FRAS1: variants seen among roughly 807,000 people sequenced by gnomAD.
FRAS1 encodes the protein Fraser extracellular matrix complex subunit 1.
In FRAS1, 290 loss-of-function variants were observed where a neutral mutation model predicts 435.2. That is an observed-to-expected ratio of 0.67 (90% confidence interval 0.61 to 0.73). The LOEUF (loss-of-function observed/expected upper bound fraction) is 0.73, where lower values mean the gene tolerates loss of function less well. Ranked by LOEUF, FRAS1 falls within the 30% of genes least tolerant of loss-of-function variation. FRAS1 has a pLI of 0.00. For synonymous variants in FRAS1, 1,800 were observed against 1,851.0 expected (o/e 0.97, Z 0.71); for missense variants, 4,860 against 5,001.5 (o/e 0.97, Z 0.85).
chr4:78,247,768 G>A (rs1316819799), intron 4 of FRAS1, among the ~76,000 whole-genome samples: 1 of 152,122 alleles, frequency 6.6e-6, no homozygotes, highest in Non-Finnish European at 1.5e-5. Context: ...TTGGCCTCTG[G>A]CTTGCCTCCC....
intron 2 of FRAS1, among the ~76,000 whole-genome samples, chr4:78,116,001 A>C (rs1401384678): frequency 6.6e-6 from 1 of 152,110 alleles, no homozygotes. Context: ...ACTGCTTTTA[A>C]TGTGTCCCAG....
At chr4:78,403,422 A>G (rs1017739151) in intron 30 of FRAS1, among the ~76,000 whole-genome samples, 1 of 152,180 alleles carries the variant, frequency 6.6e-6, no homozygotes, top group African/African-American at 2.4e-5. Context: ...ATTAGTAATA[A>G]TCAAATCACG....
chr4:78,181,644 C>T, intron 2 of FRAS1: 17 of 1,610,130 alleles, frequency 1.1e-5, no homozygotes, highest in Non-Finnish European at 1.4e-5. Context: ...AATCTTCGTT[C>T]ACAAGGTGGT....
intron 25 of FRAS1, among the ~76,000 whole-genome samples, chr4:78,374,528 A>C (rs925785147): frequency 1.1e-4 from 16 of 152,240 alleles, no homozygotes; most frequent in Admixed American, 9.2e-4. Context: ...TAACGCTTCT[A>C]TTGATCTACA....
Position 78,400,758 on chromosome 4 carries a change from G to A in FRAS1, c.4000G>A (p.Ala1334Thr). Residue 1334 changes from alanine to threonine, a missense_variant, in exon 30 of 74, where the codon GCT (alanine) becomes ACT (threonine). Ala to Thr is a moderately conservative substitution (Grantham distance 58, BLOSUM62 0). Coordinates refer to ENST00000512123, the MANE Select transcript of FRAS1 (RefSeq NM_025074.7). ...GAATGACAGGGGTCTTCAGCTTGTGGCTAATTCGATGGTGTGGGTTCCAGA... is the reference window on the plus strand; with the variant it reads ...GAATGACAGGGGTCTTCAGCTTGTGACTAATTCGATGGTGTGGGTTCCAGA... Reference protein sequence around the residue: ...PQNDRGLQLVANSMVWVPEGG... With the variant: ...PQNDRGLQLVTNSMVWVPEGG... 1 of 1,612,566 alleles carries A rather than the reference G, an allele frequency of 6.2e-7. No homozygotes were observed. The highest frequency in any genetic ancestry group is 8.5e-7 in the Non-Finnish European group (1 of 1,179,290).
chr4:78,363,658 T>C lies in FRAS1; in HGVS notation c.2568T>C (p.Ala856=), dbSNP rs1304313811. The change falls in exon 21 of 74, where the codon GCT becomes GCC. Residue 856 remains alanine, a synonymous_variant. Transcript: ENST00000512123. ...CPSGYYAERG[A]CKKCHSSCRT... ...CAGGATACTATGCAGAGAGAGGAGC[T>C]TGTAAAAGTGAGTAAGTGCTGGACT... is the stretch of plus-strand genomic sequence containing the variant. 1.9e-6 allele frequency: 3 copies of C among 1,587,218 alleles called. No individual in the cohort carries two copies. Among genetic ancestry groups the C allele is most frequent in the Non-Finnish European group, 2.6e-6 (3 of 1,166,760 alleles).
At position 78,530,666 on chromosome 4, in the gene FRAS1, A is replaced by C. The variant is rs143341176; in HGVS notation, c.10926-3783A>C. ...ATGGTTGTAGATGTGTGGCGTGATTACTGAGGCCTCTGTTCTGTTCCATTG... is the reference window on the plus strand; with the variant it reads ...ATGGTTGTAGATGTGTGGCGTGATTCCTGAGGCCTCTGTTCTGTTCCATTG... On this transcript the variant is annotated intron_variant, in intron 70 of 73. Coordinates refer to ENST00000512123, the MANE Select transcript of FRAS1 (RefSeq NM_025074.7). Among the ~76,000 whole-genome samples, 1,328 of 152,194 alleles carry C rather than the reference A, an allele frequency of 8.7e-3. 24 individuals carry two copies. The highest frequency in any genetic ancestry group is 0.031 in the African/African-American group (1,270 of 41,530).
At chr4:78,366,438 C>T (rs1187247395) in intron 22 of FRAS1, among the ~76,000 whole-genome samples, 2 of 152,174 alleles carry the variant, frequency 1.3e-5, no homozygotes, top group African/African-American at 4.8e-5. Flanking sequence ...GAACTTGCCT[C>T]CAAAGTGGTA....
rs1272467400 is a variant in FRAS1 at position 78,390,742 on chromosome 4, C to T, written c.3975+3041C>T. Among the ~76,000 whole-genome samples the T allele has an allele frequency of 5.9e-5, 9 of 152,298 alleles. No individual in the cohort carries two copies. In the East Asian group the frequency reaches 1.7e-3, roughly 29 times the overall value. ...GGCTTCTTGTAGATGCATTGTCAGA[C>T]ATGACTGATTCATTCTAACAGCCAT... is the stretch of plus-strand genomic sequence containing the variant. On this transcript the variant is annotated intron_variant, in intron 29 of 73. Coordinates refer to ENST00000512123, the MANE Select transcript of FRAS1 (RefSeq NM_025074.7).
intron 66 of FRAS1, among the ~76,000 whole-genome samples, chr4:78,517,656 T>G (rs1372017715): frequency 6.6e-6 from 1 of 152,244 alleles, no homozygotes; most frequent in Non-Finnish European, 1.5e-5. Flanking sequence ...GAACCTCTTC[T>G]GAAATTGTAC....
intron 47 of FRAS1, among the ~76,000 whole-genome samples, chr4:78,453,835 T>C (rs1719099512): frequency 6.6e-6 from 1 of 152,122 alleles, no homozygotes; most frequent in African/African-American, 2.4e-5. Flanking sequence ...TTATCTTTAT[T>C]TCTTGGAACA....
At chr4:78,327,054 T>A (rs1729747560) in intron 18 of FRAS1, among the ~76,000 whole-genome samples, 1 of 152,036 alleles carries the variant, frequency 6.6e-6, no homozygotes. Flanking sequence ...CATGTTCATT[T>A]AAAAAAAGAA....
intron 64 of FRAS1, among the ~76,000 whole-genome samples, chr4:78,511,949 C>T (rs4389605): frequency 1.3e-5 from 2 of 152,156 alleles, no homozygotes; most frequent in African/African-American, 4.8e-5. Context: ...CCTGTATATG[C>T]TTCTTTTAGA....
At chr4:78,278,160 T>C (rs891229833) in intron 9 of FRAS1, among the ~76,000 whole-genome samples, 1 of 152,206 alleles carries the variant, frequency 6.6e-6, no homozygotes, top group African/African-American at 2.4e-5. Context: ...AGTTTCAGAA[T>C]ACTGAGTAAA....
At chr4:78,425,633 TTG>T (rs924936073) in intron 35 of FRAS1, among the ~76,000 whole-genome samples, 1 of 152,156 alleles carries the variant, frequency 6.6e-6, no homozygotes, top group Non-Finnish European at 1.5e-5. Context: ...AATTTCAGTG[TTG>T]TGTTACTGTT....
intron 2 of FRAS1, among the ~76,000 whole-genome samples, chr4:78,167,179 C>T (rs1721364753): frequency 6.6e-6 from 1 of 152,120 alleles, no homozygotes. Context: ...CTTTTCTGTA[C>T]ACAGCCATTA....
At chr4:78,389,697 C>T (rs929337613) in intron 29 of FRAS1, among the ~76,000 whole-genome samples, 2 of 152,186 alleles carry the variant, frequency 1.3e-5, no homozygotes, top group Non-Finnish European at 2.9e-5. Context: ...TTCAGTGCCA[C>T]CCTAGCAGCT....
At chr4:78,118,853 T>G (rs1343064036) in intron 2 of FRAS1, among the ~76,000 whole-genome samples, 2 of 152,168 alleles carry the variant, frequency 1.3e-5, no homozygotes, top group East Asian at 3.9e-4. Context: ...CACTCCCCAG[T>G]GAGATGCACC....
In FRAS1 at chr4:78,284,490, T is replaced by C. The variant is rs1262779183; in HGVS notation, c.1341T>C (p.Asn447=). 1 of 1,613,840 alleles carries C rather than the reference T, an allele frequency of 6.2e-7. No homozygotes were observed. Among genetic ancestry groups the C allele is most frequent in the East Asian group, 2.2e-5 (1 of 44,866 alleles). The change falls in exon 13 of 74, where the codon AAT becomes AAC. Residue 447 remains asparagine (N), a synonymous_variant. Transcript: ENST00000512123. ...AAGATCCTACCAAGTTACTGCAGAA[T>C]GGATGGTGTGTGCACAGCTGTGGAC... ...LCQDPTKLLQ[N]GWCVHSCGLG... is the part of the protein sequence containing the mutation.
Sources: allele counts gnomAD v4.1 joint callset (sites outside exome capture counted in the v4.1 genomes callset), GRCh38; gene constraint gnomAD v4.1.1; transcripts MANE v1.5; gene names NCBI Gene and HGNC (gene_info 2026-07-23, HGNC 2026-07-21).